Variants in BCAS3 observed in about 807,000 individuals in gnomAD.
BCAS3 encodes BCAS4/BCAS3 fusion.
BCAS3 carries 53 observed loss-of-function variants against 116.1 expected under a neutral mutation model. That is an observed-to-expected ratio of 0.46 (90% CI 0.37 to 0.57). The LOEUF (loss-of-function observed/expected upper bound fraction) is 0.57. Among genes scored for constraint, BCAS3 ranks in the 20% least tolerant of loss-of-function variants. The pLI is 0.00. For synonymous variants in BCAS3, 391 were observed against 408.2 expected (o/e 0.96, Z 0.51); for missense variants, 917 against 1,165.4 (o/e 0.79, Z 3.10).
chr17:61,387,344 T>A lies in BCAS3; in HGVS notation c.2594-4633T>A, dbSNP rs1379659770. 1.3e-5 allele frequency among the ~76,000 whole-genome samples: 2 copies of A among 152,028 alleles called. No homozygotes were observed. Among genetic ancestry groups the A allele is most frequent in the Admixed American group, 6.6e-5 (1 of 15,260 alleles). ...AAGAGTGACCCCACCCCACCCCATC[T>A]CCCTGGGCACACGCTCCCAAGTGAC... On this transcript the variant is annotated intron_variant, in intron 23 of 23. Coordinates refer to ENST00000407086, the MANE Select transcript of BCAS3 (RefSeq NM_017679.5). This position sits in a 1 kb window ranked among gnomAD's most constrained non-coding sequence, Gnocchi z 6.2.
At chr17:60,680,051 G>C (rs950652916) in intron 2 of BCAS3, among the ~76,000 whole-genome samples, 2 of 148,708 alleles carry the variant, frequency 1.3e-5, no homozygotes, top group Admixed American at 6.8e-5. Flanking sequence ...GGAGAATGAC[G>C]TGAACCTGGG....
chr17:60,972,965 A>G (rs1360762904), intron 14 of BCAS3, among the ~76,000 whole-genome samples: 1 of 152,144 alleles, frequency 6.6e-6, no homozygotes, highest in African/African-American at 2.4e-5. Context: ...GAGACTTTTT[A>G]TCCGAGCATT....
chr17:60,890,924 A>G (rs2057101627), intron 10 of BCAS3, among the ~76,000 whole-genome samples: 2 of 152,210 alleles, frequency 1.3e-5, no homozygotes, highest in Non-Finnish European at 2.9e-5. Flanking sequence ...TCTGGAATGT[A>G]CAAAAATCAA....
At chr17:60,919,603 G>A (rs956005640) in intron 12 of BCAS3, among the ~76,000 whole-genome samples, 6 of 151,940 alleles carry the variant, frequency 3.9e-5, no homozygotes, top group Non-Finnish European at 5.9e-5. Context: ...GATTATAGGC[G>A]TGAGCCACCA....
At chr17:61,291,814 C>T (rs935988276) in intron 22 of BCAS3, among the ~76,000 whole-genome samples, 7 of 152,048 alleles carry the variant, frequency 4.6e-5, no homozygotes, top group African/African-American at 4.8e-5. Context: ...GTGCGTGTGT[C>T]GGTGTGTGCC....
chr17:61,242,594 A>G (rs569211675), intron 22 of BCAS3, among the ~76,000 whole-genome samples: 9 of 152,312 alleles, frequency 5.9e-5, no homozygotes, highest in East Asian at 3.9e-4. Context: ...GCAAAAAGCT[A>G]TGGCAGAACC....
At chr17:60,686,210 G>A (rs943230112) in intron 3 of BCAS3, among the ~76,000 whole-genome samples, 1 of 152,144 alleles carries the variant, frequency 6.6e-6, no homozygotes, top group Non-Finnish European at 1.5e-5. Context: ...CATGAGAACA[G>A]TGCTTTCTAA....
At chr17:61,045,856 T>TATAA (rs1600729361) in intron 19 of BCAS3, among the ~76,000 whole-genome samples, 1 of 1,034 alleles carries the variant, frequency 9.7e-4, no homozygotes, top group African/African-American at 1.3e-3. Flanking sequence ...TCTCTATATA[T>TATAA]ATATATATAA....
At chr17:61,375,247 T>TGTGCGCACAC (rs1031489813) in intron 23 of BCAS3, among the ~76,000 whole-genome samples, 10 of 129,760 alleles carry the variant, frequency 7.7e-5, no homozygotes, top group African/African-American at 4.1e-4. Context: ...TGTGTGTGTG[T>TGTGCGCACAC]GTGTGTGTAC....
rs2143054052 is a variant in BCAS3 at position 61,326,870 on chromosome 17, A to G, written c.2426-41457A>G. 6.6e-6 allele frequency among the ~76,000 whole-genome samples: 1 copy of G among 152,232 alleles called. No homozygotes were observed. The highest frequency in any genetic ancestry group is 1.5e-5 in the Non-Finnish European group (1 of 68,018). On this transcript the variant is annotated intron_variant, in intron 22 of 23. Coordinates refer to ENST00000407086, the MANE Select transcript of BCAS3 (RefSeq NM_017679.5). This position sits in a 1 kb window ranked among gnomAD's most constrained non-coding sequence, Gnocchi z 5.3. The stretch of plus-strand genomic sequence containing the variant: ...AGAATGGGAGGTGATAAAAAGATGG[A>G]TTGGACACCATCTCTCCCTTTAGGC...
At chr17:61,177,419 C>T (rs1194753306) in intron 22 of BCAS3, among the ~76,000 whole-genome samples, 2 of 152,156 alleles carry the variant, frequency 1.3e-5, no homozygotes, top group African/African-American at 4.8e-5. Context: ...ATGGGTGGAT[C>T]TCAAATAAGC....
intron 22 of BCAS3, among the ~76,000 whole-genome samples, chr17:61,253,774 T>C (rs1170381042): frequency 1.3e-5 from 2 of 151,986 alleles, no homozygotes; most frequent in Non-Finnish European, 2.9e-5. Flanking sequence ...GTTTTGCCTT[T>C]CCATTTTTGT....
At chr17:61,044,071 C>T (rs1159943331) in intron 19 of BCAS3, among the ~76,000 whole-genome samples, 2 of 151,842 alleles carry the variant, frequency 1.3e-5, no homozygotes, top group Non-Finnish European at 2.9e-5. Flanking sequence ...ATGTATAGCT[C>T]ACATTTATTT....
chr17:61,033,628 G>T (rs967383795), intron 16 of BCAS3, among the ~76,000 whole-genome samples: 1 of 152,168 alleles, frequency 6.6e-6, no homozygotes, highest in Non-Finnish European at 1.5e-5. Flanking sequence ...TTTGACATTG[G>T]AGGCTAACTA....
Position 60,993,704 on chromosome 17 carries a change from G to A in BCAS3, c.1486+3469G>A, listed in dbSNP as rs142133360. On this transcript the variant is annotated intron_variant, in intron 15 of 23. Coordinates refer to ENST00000407086, the MANE Select transcript of BCAS3 (RefSeq NM_017679.5). This position sits in a 1 kb window ranked among gnomAD's most constrained non-coding sequence, Gnocchi z 4.2. ...CTGGTCAAAAACAATGTAAACCATTGAACAGGGAGGGATTCATCTTGAAAA... is the reference window on the plus strand; with the variant it reads ...CTGGTCAAAAACAATGTAAACCATTAAACAGGGAGGGATTCATCTTGAAAA... Among the ~76,000 whole-genome samples, 1 of 152,192 alleles carries A rather than the reference G, an allele frequency of 6.6e-6. No individual in the cohort carries two copies. Among genetic ancestry groups the A allele is most frequent in the East Asian group, 1.9e-4 (1 of 5,176 alleles).
chr17:60,707,480 G>T (rs948217210), intron 4 of BCAS3, among the ~76,000 whole-genome samples: 2 of 152,172 alleles, frequency 1.3e-5, no homozygotes, highest in Non-Finnish European at 2.9e-5. Context: ...TTGTTCAAGG[G>T]TCAAGTGTAC....
intron 13 of BCAS3, among the ~76,000 whole-genome samples, chr17:60,932,145 A>G (rs1003451197): frequency 2.0e-5 from 3 of 152,168 alleles, no homozygotes; most frequent in Non-Finnish European, 4.4e-5. Context: ...TTCTGTTTTC[A>G]TTATTATCAA....
chr17:60,897,303 T>C (rs2057577296), intron 10 of BCAS3, among the ~76,000 whole-genome samples: 1 of 152,238 alleles, frequency 6.6e-6, no homozygotes, highest in South Asian at 2.1e-4. Flanking sequence ...TTCCTTTATA[T>C]GTGACTAGAC....
At chr17:60,766,005 G>A (rs575755254) in intron 6 of BCAS3, among the ~76,000 whole-genome samples, 3 of 152,108 alleles carry the variant, frequency 2.0e-5, no homozygotes, top group Admixed American at 6.6e-5. Flanking sequence ...CATGTGTCAC[G>A]TAGTTCTCGT....
Sources: allele counts gnomAD v4.1 joint callset (sites outside exome capture counted in the v4.1 genomes callset), GRCh38; gene constraint gnomAD v4.1.1; non-coding constraint Gnocchi (gnomAD v3.1); transcripts MANE v1.5; gene names NCBI Gene and HGNC (gene_info 2026-07-23, HGNC 2026-07-21).